The following SHANK2 variants were observed in gnomAD, a reference collection of about 807,000 sequenced individuals.
SHANK2 encodes SH3 and multiple ankyrin repeat domains 2, also known as SH3 and multiple ankyrin repeat domains protein 2.
In SHANK2, 43 loss-of-function variants were observed where a neutral mutation model predicts 133.7. The observed-to-expected ratio is 0.32, with a 90% CI of 0.25 to 0.41. SHANK2 has a LOEUF of 0.41. SHANK2 is among the 10% of genes least tolerant of loss of function. The pLI, the probability that SHANK2 is intolerant of heterozygous loss-of-function variation, is 1.00. For missense variants in SHANK2, 1,994 were observed against 2,235.8 expected, an observed-to-expected ratio of 0.89 and a Z score of 2.18; for synonymous variants, 1,017 against 952.8, an observed-to-expected ratio of 1.07 and a Z score of -1.24.
chr11:71,151,232 G>A (rs1952791395), intron 2 of SHANK2, among the ~76,000 whole-genome samples: 1 of 152,102 alleles, frequency 6.6e-6, no homozygotes, highest in African/African-American at 2.4e-5. Context: ...CCCTGTGAGT[G>A]TTCAGGAACC....
chr11:70,725,064 G>GT (rs1946151410), intron 14 of SHANK2, among the ~76,000 whole-genome samples: 1 of 152,140 alleles, frequency 6.6e-6, no homozygotes, highest in African/African-American at 2.4e-5. Context: ...TTTAAAGTAT[G>GT]TTTTAAAAAA....
chr11:70,844,079 TG>T lies in SHANK2; in HGVS notation c.1175-23398del, dbSNP rs1948957487. On this transcript the variant is annotated intron_variant, in intron 11 of 25. Coordinates refer to ENST00000601538, the MANE Select transcript of SHANK2 (RefSeq NM_012309.5). ...AGTCCCCAAGGTGGTGGGAGCTCCC[TG>T]GGGGATGAGTGGGCGCCTCCATCCA... Among the ~76,000 whole-genome samples the T allele has an allele frequency of 2.0e-5, 3 of 152,192 alleles. No homozygotes were observed. In the South Asian group the frequency reaches 6.2e-4, roughly 32 times the overall value.
intron 10 of SHANK2, among the ~76,000 whole-genome samples, chr11:70,950,609 C>A (rs1232784882): frequency 6.6e-6 from 1 of 151,696 alleles, no homozygotes; most frequent in Non-Finnish European, 1.5e-5. Context: ...TAAATTTCAA[C>A]ACAATTTTTT....
chr11:71,249,455 T>C (rs1042389222), intron 1 of SHANK2, among the ~76,000 whole-genome samples: 7 of 152,150 alleles, frequency 4.6e-5, no homozygotes, highest in Admixed American at 2.0e-4. Context: ...TCCACTGGTT[T>C]TTCTCAGCCA....
At chr11:70,633,198 T>C (rs868952018) in intron 17 of SHANK2, among the ~76,000 whole-genome samples, 21 of 148,502 alleles carry the variant, frequency 1.4e-4, no homozygotes, top group Non-Finnish European at 2.5e-4. Context: ...ATAAATGTTA[T>C]ATTTTTATAT....
At chr11:70,871,025 G>A (rs952281956) in intron 11 of SHANK2, among the ~76,000 whole-genome samples, 7 of 152,116 alleles carry the variant, frequency 4.6e-5, no homozygotes, top group South Asian at 4.1e-4. Flanking sequence ...TGATCCATCC[G>A]CCTCAGCCTC....
chr11:70,555,687 CT>C (rs1204285313), intron 17 of SHANK2, among the ~76,000 whole-genome samples: 1 of 152,172 alleles, frequency 6.6e-6, no homozygotes, highest in African/African-American at 2.4e-5. Flanking sequence ...GAATATGCCA[CT>C]GCATTCCAGC....
chr11:71,183,238 G>A (rs1302884890), intron 2 of SHANK2, among the ~76,000 whole-genome samples: 10 of 152,174 alleles, frequency 6.6e-5, no homozygotes, highest in Admixed American at 6.5e-4. Flanking sequence ...TCCAAGTGAT[G>A]GAGGGACAAG....
At chr11:71,159,334 T>A (rs1158802593) in intron 2 of SHANK2, among the ~76,000 whole-genome samples, 1 of 152,104 alleles carries the variant, frequency 6.6e-6, no homozygotes, top group Non-Finnish European at 1.5e-5. Context: ...CACATCACCA[T>A]CTCCTCTTCT....
At chr11:71,191,307 A>G (rs1271534599) in intron 2 of SHANK2, among the ~76,000 whole-genome samples, 1 of 152,180 alleles carries the variant, frequency 6.6e-6, no homozygotes, top group African/African-American at 2.4e-5. Context: ...ATATCACCTC[A>G]GATGTCTTCG....
At chr11:70,599,939 G>GAAAA (rs2060467190) in intron 17 of SHANK2, among the ~76,000 whole-genome samples, 1 of 128,686 alleles carries the variant, frequency 7.8e-6, no homozygotes, top group African/African-American at 3.5e-5. Context: ...AAGAAAGAAA[G>GAAAA]AAAGAAAGAA....
At chr11:70,502,687 G>A in intron 18 of SHANK2, 109 bp downstream of exon 18, 1 of 1,277,322 alleles carries the variant, frequency 7.8e-7, no homozygotes, top group Non-Finnish European at 1.1e-6. Flanking sequence ...TCTCAGAAGT[G>A]TGGGATCAGC....
intron 11 of SHANK2, among the ~76,000 whole-genome samples, chr11:70,847,117 A>G (rs1441267113): frequency 6.6e-6 from 1 of 152,146 alleles, no homozygotes; most frequent in Non-Finnish European, 1.5e-5. Context: ...CCCATCATCA[A>G]TCTTGCGAGG....
At chr11:71,222,314 T>C (rs1231518650) in intron 2 of SHANK2, among the ~76,000 whole-genome samples, 1 of 152,150 alleles carries the variant, frequency 6.6e-6, no homozygotes, top group Non-Finnish European at 1.5e-5. Flanking sequence ...TTTTTCCTTC[T>C]CTCCTTCCCA....
intron 25 of SHANK2, among the ~76,000 whole-genome samples, chr11:70,475,469 TTTTTC>T (rs1231467016): frequency 1.3e-5 from 2 of 152,218 alleles, no homozygotes; most frequent in Non-Finnish European, 2.9e-5. Flanking sequence ...TCTCTCCGTT[TTTTTC>T]TTTTCTCTTT....
chr11:71,126,421 A>AT (rs1555102695), intron 3 of SHANK2, among the ~76,000 whole-genome samples: 3 of 152,146 alleles, frequency 2.0e-5, no homozygotes, highest in African/African-American at 7.2e-5. Context: ...CTGGTCACTC[A>AT]AGAGTGCTGA....
intron 17 of SHANK2, among the ~76,000 whole-genome samples, chr11:70,585,237 A>G (rs2060233480): frequency 6.6e-6 from 1 of 152,252 alleles, no homozygotes; most frequent in Admixed American, 6.5e-5. Flanking sequence ...CAGGGGCTAA[A>G]GCCAAGAGCT....
intron 15 of SHANK2, among the ~76,000 whole-genome samples, chr11:70,682,095 C>T (rs904948541): frequency 3.3e-5 from 5 of 152,048 alleles, no homozygotes; most frequent in African/African-American, 1.2e-4. Flanking sequence ...TGTGAGAGGG[C>T]CTTTGACCCA....
intron 12 of SHANK2, among the ~76,000 whole-genome samples, chr11:70,808,988 G>A (rs1555052609): frequency 6.6e-6 from 1 of 152,154 alleles, no homozygotes. Context: ...ACAGAGCTAT[G>A]TTTTCAACCT....
Sources: allele counts gnomAD v4.1 joint callset (sites outside exome capture counted in the v4.1 genomes callset), GRCh38; gene constraint gnomAD v4.1.1; transcripts MANE v1.5; gene names NCBI Gene and HGNC (gene_info 2026-07-23, HGNC 2026-07-21).